THRB: variants seen among roughly 807,000 people sequenced by gnomAD.
THRB encodes the protein nuclear receptor subfamily 1 group A member 2.
THRB carries 12 observed loss-of-function variants against 47.8 expected under a neutral mutation model. That is an observed-to-expected ratio of 0.25 (90% CI 0.16 to 0.41). The LOEUF (loss-of-function observed/expected upper bound fraction) is 0.41, where lower values mean the gene tolerates loss of function less well. Ranked by LOEUF, THRB falls within the 10% of genes least tolerant of loss-of-function variation. The probability of loss-of-function intolerance (pLI) is 1.00; values close to 1 mark genes in which losing one functional copy is unlikely to be tolerated. For synonymous variants in THRB, 218 were observed against 212.2 expected, an observed-to-expected ratio of 1.03 and a Z score of -0.24; for missense variants, 348 against 589.2, an observed-to-expected ratio of 0.59 and a Z score of 4.24.
intron 3 of THRB, among the ~76,000 whole-genome samples, chr3:24,249,663 G>C (rs1361873803): frequency 6.6e-6 from 1 of 152,142 alleles, no homozygotes. Context: ...ACATTCAGGA[G>C]GAATACTTAA....
chr3:24,430,073 A>G (rs990547593), intron 1 of THRB: 1 of 152,108 alleles, frequency 6.6e-6, no homozygotes, highest in African/African-American at 2.4e-5. Flanking sequence ...TATATCATGT[A>G]CTAGCAAGTG....
chr3:24,269,031 A>G (rs1322355035), intron 3 of THRB, among the ~76,000 whole-genome samples: 1 of 152,206 alleles, frequency 6.6e-6, no homozygotes, highest in Non-Finnish European at 1.5e-5. Context: ...AGTTTGTCAC[A>G]GTGACCTAGT....
intron 5 of THRB, chr3:24,165,471 A>G (rs920088866): frequency 3.3e-6 from 2 of 612,162 alleles, no homozygotes; most frequent in Non-Finnish European, 5.8e-6. Context: ...ATACATACAC[A>G]TGAAACGCGA....
At chr3:24,439,757 T>C (rs1161773705) in intron 1 of THRB, among the ~76,000 whole-genome samples, 2 of 152,182 alleles carry the variant, frequency 1.3e-5, no homozygotes, top group Non-Finnish European at 2.9e-5. Flanking sequence ...TGATGAAAAA[T>C]AGGTCTAATT....
chr3:24,495,648 A>G (rs1698903653), upstream of THRB: 1 of 152,174 alleles, frequency 6.6e-6, no homozygotes, highest in Non-Finnish European at 1.5e-5. Context: ...ATGGGGAACG[A>G]GTGACACCGG....
rs569228958 is a variant in THRB at position 24,162,359 on chromosome 3, C to T, written c.284-9869G>A. On this transcript the variant is annotated intron_variant, in intron 5 of 10. Transcript: ENST00000646209. Reference sequence around the variant, plus strand: ...AGAAGTGTGCAGCCAGCACTGGCCCCGTGAGGACTTAGCATAGCATTTCAC... The same window carrying T: ...AGAAGTGTGCAGCCAGCACTGGCCCTGTGAGGACTTAGCATAGCATTTCAC... Among the ~76,000 whole-genome samples the T allele has an allele frequency of 4.6e-5, 7 of 152,180 alleles. No homozygotes were observed. In the South Asian group the frequency reaches 1.0e-3, roughly 23 times the overall value.
intron 3 of THRB, among the ~76,000 whole-genome samples, chr3:24,248,596 T>G (rs1045541012): frequency 1.3e-5 from 2 of 152,152 alleles, no homozygotes; most frequent in African/African-American, 2.4e-5. Context: ...CCAGAGGGCT[T>G]TCTATTCACT....
chr3:24,310,245 A>C (rs761807805), intron 2 of THRB, among the ~76,000 whole-genome samples: 16 of 152,246 alleles, frequency 1.1e-4, no homozygotes, highest in Non-Finnish European at 2.1e-4. Flanking sequence ...CATGTGACTT[A>C]TATATTGTTT....
At chr3:24,217,835 A>C (rs1346304110) in intron 4 of THRB, among the ~76,000 whole-genome samples, 1 of 152,204 alleles carries the variant, frequency 6.6e-6, no homozygotes, top group African/African-American at 2.4e-5. Flanking sequence ...CAACAATAAT[A>C]ATCATAGCAA....
At chr3:24,427,259 T>G (rs2069860185) in intron 1 of THRB, among the ~76,000 whole-genome samples, 1 of 152,008 alleles carries the variant, frequency 6.6e-6, no homozygotes, top group South Asian at 2.1e-4. Context: ...CAACCATAGA[T>G]GTATAAATAT....
chr3:24,466,448 G>T (rs1337317950), intron 1 of THRB, among the ~76,000 whole-genome samples: 1 of 152,166 alleles, frequency 6.6e-6, no homozygotes, highest in African/African-American at 2.4e-5. Context: ...ACCACCTGGA[G>T]AGTGAAGGCT....
At chr3:24,250,393 C>T (rs531525562) in intron 3 of THRB, among the ~76,000 whole-genome samples, 77 of 152,250 alleles carry the variant, frequency 5.1e-4, no homozygotes, top group African/African-American at 1.4e-3. Flanking sequence ...CTCCAAGTAA[C>T]ATAGTACTGA....
intron 5 of THRB, among the ~76,000 whole-genome samples, chr3:24,182,014 A>G (rs201013247): frequency 6.6e-6 from 1 of 152,154 alleles, no homozygotes; most frequent in East Asian, 1.9e-4. Flanking sequence ...ATCCTGGCTA[A>G]CACAGTGAAA....
intron 1 of THRB, among the ~76,000 whole-genome samples, chr3:24,419,059 T>G (rs1179351459): frequency 6.6e-6 from 1 of 151,938 alleles, no homozygotes; most frequent in African/African-American, 2.4e-5. Flanking sequence ...GACCCATGAC[T>G]GTGAAACCAC....
chr3:24,283,462 C>T (rs1380009768), intron 3 of THRB, among the ~76,000 whole-genome samples: 1 of 151,292 alleles, frequency 6.6e-6, no homozygotes, highest in Non-Finnish European at 1.5e-5. Flanking sequence ...TTATGACAAA[C>T]CCACAGCCAA....
At chr3:24,401,509 T>C (rs2067396452) in intron 1 of THRB, among the ~76,000 whole-genome samples, 1 of 152,110 alleles carries the variant, frequency 6.6e-6, no homozygotes, top group Non-Finnish European at 1.5e-5. Flanking sequence ...ACTAGGTCTT[T>C]TATTATTATT....
At chr3:24,275,507 G>GA (rs2053822133) in intron 3 of THRB, among the ~76,000 whole-genome samples, 1 of 152,208 alleles carries the variant, frequency 6.6e-6, no homozygotes, top group Non-Finnish European at 1.5e-5. Context: ...CTTCTAAGGG[G>GA]AAGAGGTCAG....
intron 1 of THRB, among the ~76,000 whole-genome samples, chr3:24,346,290 A>T (rs1233705973): frequency 3.9e-5 from 6 of 152,090 alleles, no homozygotes; most frequent in Non-Finnish European, 8.8e-5. Context: ...TAAATTAATG[A>T]TTCACTTTGT....
intron 10 of THRB, among the ~76,000 whole-genome samples, chr3:24,127,151 G>C (rs148327520): frequency 2.3e-3 from 343 of 152,274 alleles, no homozygotes; most frequent in African/African-American, 7.7e-3. Flanking sequence ...ACACACAATC[G>C]TGTGGTCACT....
Sources: allele counts gnomAD v4.1 joint callset (sites outside exome capture counted in the v4.1 genomes callset), GRCh38; gene constraint gnomAD v4.1.1; transcripts MANE v1.5; gene names NCBI Gene and HGNC (gene_info 2026-07-23, HGNC 2026-07-21).